PRSS55: variants seen among roughly 807,000 people sequenced by gnomAD.
The protein encoded by PRSS55 is probable serine protease UNQ9391/PRO34284.
In PRSS55, 41 loss-of-function variants were observed where a neutral mutation model predicts 23.6. The observed-to-expected ratio is 1.74, with a 90% CI of 1.35 to 2.26. The LOEUF (loss-of-function observed/expected upper bound fraction) is 2.26. Among genes scored for constraint, PRSS55 ranks in the 30% most tolerant of loss-of-function variants. The probability of loss-of-function intolerance (pLI) is 0.00; values close to 1 mark genes in which losing one functional copy is unlikely to be tolerated. For missense variants in PRSS55, 669 were observed against 439.1 expected, an observed-to-expected ratio of 1.52 and a Z score of -4.68; for synonymous variants, 262 against 175.5, an observed-to-expected ratio of 1.49 and a Z score of -3.90.
chr8:10,533,064 C>T lies in PRSS55; in HGVS notation c.741+16C>T, dbSNP rs770533276. The T allele has an allele frequency of 2.5e-5, 40 of 1,613,632 alleles. No individual in the cohort carries two copies. Among genetic ancestry groups the T allele is most frequent in the Non-Finnish European group, 2.9e-5 (34 of 1,179,794 alleles). ...TGCCTGCAAGGTAACTAGGGGGTACCCTCCCTCACCTTATAGGTCCTCACC... is the reference window on the plus strand; with the variant it reads ...TGCCTGCAAGGTAACTAGGGGGTACTCTCCCTCACCTTATAGGTCCTCACC... On this transcript the variant is annotated intron_variant, in intron 4 of 4. Transcript: ENST00000328655.
chr8:10,535,330 A>G (rs1812417364), intron 4 of PRSS55, among the ~76,000 whole-genome samples: 1 of 152,232 alleles, frequency 6.6e-6, no homozygotes, highest in South Asian at 2.1e-4. Context: ...CTACAGGGCT[A>G]TGGTAACCAA....
intron 4 of PRSS55, among the ~76,000 whole-genome samples, chr8:10,547,774 C>A (rs1422049484): frequency 1.5e-5 from 2 of 133,400 alleles, no homozygotes; most frequent in South Asian, 3.0e-4. Flanking sequence ...TGTTCCGGAT[C>A]TGGTGTTGCT....
chr8:10,539,646 T>C (rs937774614), downstream of PRSS55, among the ~76,000 whole-genome samples: 8 of 152,308 alleles, frequency 5.3e-5, no homozygotes, highest in African/African-American at 1.9e-4. Flanking sequence ...CTCATGGTAG[T>C]GAGTAAGTCT....
intron 4 of PRSS55, among the ~76,000 whole-genome samples, chr8:10,537,001 C>T (rs1311341589): frequency 6.6e-6 from 1 of 152,242 alleles, no homozygotes; most frequent in African/African-American, 2.4e-5. Flanking sequence ...CAAATCTGCT[C>T]ATGTACCCTA....
intron 4 of PRSS55, among the ~76,000 whole-genome samples, chr8:10,537,451 G>A (rs1033867939): frequency 4.6e-5 from 7 of 152,168 alleles, no homozygotes; most frequent in African/African-American, 9.7e-5. Context: ...ATGGTTACCA[G>A]AGGCTGGGGA....
intron 4 of PRSS55, among the ~76,000 whole-genome samples, 186 bp from the exon 5 acceptor site, chr8:10,538,290 G>A (rs530816882): frequency 1.3e-5 from 2 of 151,866 alleles, no homozygotes; most frequent in Admixed American, 1.3e-4. Flanking sequence ...CACCCCCAAC[G>A]CTCTACACCC....
intron 4 of PRSS55, among the ~76,000 whole-genome samples, chr8:10,548,761 G>A (rs899683851): frequency 2.9e-5 from 3 of 103,450 alleles, no homozygotes; most frequent in Non-Finnish European, 7.1e-5. Flanking sequence ...GGCAGCCACA[G>A]GGCTCCCGTG....
At position 10,531,423 on chromosome 8, in the gene PRSS55, T is replaced by A; in HGVS notation, c.476T>A (p.Leu159Ter). The change falls in exon 3 of 5, where the codon TTG (leucine) becomes TAG (stop). Residue 159 changes from leucine to a stop codon, truncating the protein, a stop_gained. Coordinates refer to ENST00000328655, the MANE Select transcript of PRSS55 (RefSeq NM_198464.4). LOFTEE classifies it high-confidence loss of function. Reference sequence around the variant, plus strand: ...GCCAACATGGACAATGACATTGCCTTGCTGCTGCTGGCTTCGCCCATCAAG... The same window carrying A: ...GCCAACATGGACAATGACATTGCCTAGCTGCTGCTGGCTTCGCCCATCAAG... ...KRANMDNDIA[L>*]LLLASPIKLD... The A allele has an allele frequency of 6.2e-7, 1 of 1,614,246 alleles. No homozygotes were observed.
rs377316926 is a variant in PRSS55, at chr8:10,538,573, A to C, written c.839A>C (p.Asn280Thr). ...TGGGGAAAGAGCTGTGGAGAGAAGAACACCCCAGGGATATACACCTCGTTG... is the reference window on the plus strand; with the variant it reads ...TGGGGAAAGAGCTGTGGAGAGAAGACCACCCCAGGGATATACACCTCGTTG... ...ISWGKSCGEK[N>T]TPGIYTSLVN... Residue 280 changes from asparagine to threonine, a missense_variant, in exon 5 of 5, where the codon AAC becomes ACC. Coordinates refer to ENST00000328655, the MANE Select transcript of PRSS55 (RefSeq NM_198464.4). 4 of 1,614,100 alleles carry C rather than the reference A, an allele frequency of 2.5e-6. No individual in the cohort carries two copies. The highest frequency in any genetic ancestry group is 2.5e-6 in the Non-Finnish European group (3 of 1,179,982).
Position 10,529,642 on chromosome 8 carries a change from T to A in PRSS55, c.290T>A (p.Ile97Asn), listed in dbSNP as rs749339316. The change falls in exon 2 of 5, where the codon ATC becomes AAC. Residue 97 changes from isoleucine (I) to asparagine (N), a missense_variant. Ile to Asn is a moderately radical substitution (Grantham distance 149). Coordinates refer to ENST00000328655, the MANE Select transcript of PRSS55 (RefSeq NM_198464.4). ...ARSEPFCGGS[I>N]LNKWWILTAA... The stretch of plus-strand genomic sequence containing the variant: ...AGTGAACCTTTCTGTGGCGGCTCCA[T>A]CCTCAACAAGTGGTGGATTCTCACT... 4.3e-6 allele frequency: 7 copies of A among 1,614,032 alleles called. No individual in the cohort carries two copies. The African/African-American group carries it at 9.3e-5, about 22-fold the overall frequency.
intron 1 of PRSS55, among the ~76,000 whole-genome samples, chr8:10,528,910 C>T (rs1050910990): frequency 3.3e-5 from 5 of 152,292 alleles, no homozygotes; most frequent in Admixed American, 1.3e-4. Context: ...AGCTATGTTG[C>T]GTCTCTTTGC....
intron 4 of PRSS55, among the ~76,000 whole-genome samples, chr8:10,533,318 C>T (rs141544754): frequency 1.5e-3 from 236 of 152,288 alleles, no homozygotes; most frequent in African/African-American, 5.1e-3. Flanking sequence ...AGGCTTTTCT[C>T]ATTTCTGGGA....
intron 4 of PRSS55, among the ~76,000 whole-genome samples, chr8:10,547,841 A>G (rs950305467): frequency 6.7e-6 from 1 of 148,188 alleles, no homozygotes; most frequent in African/African-American, 2.5e-5. Flanking sequence ...TGTTCCAGTC[A>G]CGGGGAAGAG....
At chr8:10,553,441 G>A (rs1322296890) in intron 4 of PRSS55, among the ~76,000 whole-genome samples, 1 of 152,134 alleles carries the variant, frequency 6.6e-6, no homozygotes, top group Non-Finnish European at 1.5e-5. Context: ...TGATATATAT[G>A]TACACAATAA....
At chr8:10,530,347 C>T (rs184742661) in intron 2 of PRSS55, among the ~76,000 whole-genome samples, 14 of 152,280 alleles carry the variant, frequency 9.2e-5, no homozygotes, top group African/African-American at 1.4e-4. Context: ...CGGTGGCGTG[C>T]GCCTGTAGTC....
downstream of PRSS55, chr8:10,540,636 A>C (rs1812628517): frequency 6.6e-6 from 1 of 151,946 alleles, no homozygotes. Flanking sequence ...AACGGCTTGA[A>C]CCCAGGAGGT....
intron 4 of PRSS55, among the ~76,000 whole-genome samples, chr8:10,549,094 T>G (rs2117083459): frequency 6.6e-6 from 1 of 152,240 alleles, no homozygotes; most frequent in South Asian, 2.1e-4. Flanking sequence ...TACCTGACCC[T>G]TGACAGAAAA....
chr8:10,526,063 G>A (rs905265198), intron 1 of PRSS55, among the ~76,000 whole-genome samples: 2 of 152,154 alleles, frequency 1.3e-5, no homozygotes, highest in Non-Finnish European at 2.9e-5. Context: ...ATCAGCACCA[G>A]GCTTCCAGGA....
At chr8:10,554,083 C>G in exon 5 of PRSS55, 1 of 1,216,718 alleles carries the variant, frequency 8.2e-7, no homozygotes, top group Non-Finnish European at 1.1e-6. Flanking sequence ...GAAAACATAC[C>G]CTTGGGCATA....
Sources: gnomAD v4.1 joint callset for allele counts (sites outside exome capture counted in the v4.1 genomes callset) on GRCh38, gnomAD v4.1.1 for gene constraint, MANE v1.5 for transcripts, NCBI Gene and HGNC (gene_info 2026-07-23, HGNC 2026-07-21) for gene names.